The following ARFIP1 variants were observed in gnomAD, a reference collection of about 807,000 sequenced individuals.
ARFIP1 encodes ARF interacting protein 1.
A neutral mutation model predicts 42.5 loss-of-function variants in ARFIP1; 24 were observed. The observed-to-expected ratio is 0.57, with a 90% CI of 0.41 to 0.80. ARFIP1 has a LOEUF of 0.80. Ranked by LOEUF, ARFIP1 falls within the 30% of genes least tolerant of loss-of-function variation. The probability of loss-of-function intolerance (pLI) is 0.00; values close to 1 mark genes in which losing one functional copy is unlikely to be tolerated. For synonymous variants in ARFIP1, 141 were observed against 153.7 expected, an observed-to-expected ratio of 0.92 and a Z score of 0.61; for missense variants, 354 against 434.0, an observed-to-expected ratio of 0.82 and a Z score of 1.64.
At chr4:152,803,859 C>T (rs958883605) in intron 1 of ARFIP1, among the ~76,000 whole-genome samples, 1 of 150,492 alleles carries the variant, frequency 6.6e-6, no homozygotes, top group African/African-American at 2.5e-5. Context: ...GGGTGCTGCT[C>T]TTAACTGCTC....
At chr4:152,903,786 G>T (rs1738048498) in intron 8 of ARFIP1, among the ~76,000 whole-genome samples, 1 of 152,044 alleles carries the variant, frequency 6.6e-6, no homozygotes, top group South Asian at 2.1e-4. Flanking sequence ...TTGTTAGTGG[G>T]CTACTGAGTC....
At chr4:152,881,310 G>T in intron 6 of ARFIP1, 126 bp downstream of exon 6, 1 of 749,100 alleles carries the variant, frequency 1.3e-6, no homozygotes, top group Non-Finnish European at 2.1e-6. Context: ...TCTCTTTTAA[G>T]ATATTTCATA....
At chr4:152,797,762 A>C (rs1412310408) in intron 1 of ARFIP1, among the ~76,000 whole-genome samples, 1 of 152,086 alleles carries the variant, frequency 6.6e-6, no homozygotes, top group African/African-American at 2.4e-5. Context: ...GTATAGGAGA[A>C]CATTTTTGTA....
chr4:152,873,628 GT>G (rs911644514), intron 5 of ARFIP1, among the ~76,000 whole-genome samples: 32 of 152,102 alleles, frequency 2.1e-4, no homozygotes, highest in Admixed American at 1.8e-3. Context: ...CCAGTCAGTC[GT>G]TAAGTCCTAT....
chr4:152,834,266 G>A (rs1478756971), intron 2 of ARFIP1, among the ~76,000 whole-genome samples: 1 of 152,100 alleles, frequency 6.6e-6, no homozygotes, highest in Non-Finnish European at 1.5e-5. Context: ...GATTTGGAGG[G>A]ACAAACTTTG....
intron 2 of ARFIP1, among the ~76,000 whole-genome samples, chr4:152,836,541 G>T (rs574125096): frequency 2.0e-5 from 3 of 151,850 alleles, no homozygotes; most frequent in Non-Finnish European, 2.9e-5. Context: ...TCTTTTTTTG[G>T]TCTGACCTTG....
chr4:152,879,963 G>A (rs991037763), intron 5 of ARFIP1, among the ~76,000 whole-genome samples: 2 of 152,190 alleles, frequency 1.3e-5, no homozygotes, highest in Non-Finnish European at 2.9e-5. Context: ...TTCTTAAAAT[G>A]TATTATCGAA....
chr4:152,903,515 A>T (rs1265984068), intron 8 of ARFIP1, among the ~76,000 whole-genome samples: 1 of 151,796 alleles, frequency 6.6e-6, no homozygotes, highest in Non-Finnish European at 1.5e-5. Flanking sequence ...TTACATTATA[A>T]TTACAAAATT....
chr4:152,795,321 A>G (rs765190097), intron 1 of ARFIP1, among the ~76,000 whole-genome samples: 2 of 152,076 alleles, frequency 1.3e-5, no homozygotes, highest in Non-Finnish European at 2.9e-5. Context: ...TGTCCTGGAA[A>G]TCACTTCATA....
At chr4:152,896,333 C>A (rs11099859) in intron 8 of ARFIP1, among the ~76,000 whole-genome samples, 102,790 of 151,904 alleles carry the variant, frequency 0.68, 35,089 homozygotes, top group African/African-American at 0.75. Flanking sequence ...GTTATTTCTA[C>A]AGATGAGAAA....
rs1188260130 is a variant in ARFIP1 at position 152,889,829 on chromosome 4, CTATATACTATATATATACTA to C, written c.966+1538_966+1557del. ...ATATACTATATATATACTATATATA[CTATATACTATATATATACTA>C]TATATACTATATATACTATATATAT... On this transcript the variant is annotated intron_variant, in intron 8 of 8. Transcript: ENST00000353617. 7.0e-5 allele frequency among the ~76,000 whole-genome samples: 6 copies of C among 85,328 alleles called. 1 individual carries two copies. Among genetic ancestry groups the C allele is most frequent in the Admixed American group, 3.1e-4 (2 of 6,540 alleles). The allele number at this position is 85,328 out of a possible 152,430, so 56.0% of individuals were successfully genotyped here. A position where few individuals can be genotyped will look rare whatever the true frequency, so the allele number is the denominator to read the frequency against.
At chr4:152,847,515 A>G (rs1732661600) in intron 2 of ARFIP1, among the ~76,000 whole-genome samples, 2 of 152,074 alleles carry the variant, frequency 1.3e-5, no homozygotes, top group Non-Finnish European at 2.9e-5. Context: ...TTTTACAGCA[A>G]AAATATTTCT....
intron 1 of ARFIP1, among the ~76,000 whole-genome samples, chr4:152,788,613 G>A (rs541048149): frequency 2.0e-5 from 3 of 152,046 alleles, no homozygotes; most frequent in East Asian, 1.9e-4. Flanking sequence ...CCCAGGAGGC[G>A]GAGGTTGCAG....
At chr4:152,790,277 G>C (rs1731070421) in intron 1 of ARFIP1, among the ~76,000 whole-genome samples, 1 of 152,156 alleles carries the variant, frequency 6.6e-6, no homozygotes, top group African/African-American at 2.4e-5. Flanking sequence ...GACAAAAGCA[G>C]TTCAGATAAT....
intron 2 of ARFIP1, among the ~76,000 whole-genome samples, chr4:152,862,052 C>T (rs548961815): frequency 6.6e-6 from 1 of 152,100 alleles, no homozygotes; most frequent in Non-Finnish European, 1.5e-5. Flanking sequence ...CAAGTAAACC[C>T]GTTACTCAAA....
intron 1 of ARFIP1, among the ~76,000 whole-genome samples, chr4:152,824,311 CAAA>C (rs111552594): frequency 8.4e-6 from 1 of 118,800 alleles, no homozygotes; most frequent in Non-Finnish European, 1.8e-5. Flanking sequence ...AGACTCTTAT[CAAA>C]AAAAAAAAAA....
At chr4:152,907,023 A>G (rs1395998986) in intron 8 of ARFIP1, among the ~76,000 whole-genome samples, 1 of 152,174 alleles carries the variant, frequency 6.6e-6, no homozygotes, top group African/African-American at 2.4e-5. Flanking sequence ...CACATTCCAC[A>G]TTGCTGCTTT....
At chr4:152,909,027 A>G (rs1738620512) in intron 8 of ARFIP1, among the ~76,000 whole-genome samples, 1 of 151,780 alleles carries the variant, frequency 6.6e-6, no homozygotes, top group Non-Finnish European at 1.5e-5. Context: ...TTAAAGTTCA[A>G]TTTTAATGAA....
intron 2 of ARFIP1, among the ~76,000 whole-genome samples, chr4:152,832,651 C>T (rs777932783): frequency 6.6e-6 from 1 of 152,122 alleles, no homozygotes. Flanking sequence ...AAATCTTTGC[C>T]TACTTCAGTA....
Sources: gnomAD v4.1 joint callset for allele counts (sites outside exome capture counted in the v4.1 genomes callset) on GRCh38, gnomAD v4.1.1 for gene constraint, MANE v1.5 for transcripts, NCBI Gene and HGNC (gene_info 2026-07-23, HGNC 2026-07-21) for gene names.